The following RPS29 variants were observed in gnomAD, a reference collection of about 807,000 sequenced individuals.
RPS29 encodes ribosomal protein S29.
For missense variants in RPS29, 60 were observed against 75.7 expected (o/e 0.79, Z 0.77); for synonymous variants, 37 against 26.9 (o/e 1.37, Z -1.16).
At chr14:49,593,316 C>T (rs950871405) in intron 1 of RPS29, among the ~76,000 whole-genome samples, 2 of 152,148 alleles carry the variant, frequency 1.3e-5, no homozygotes, top group Non-Finnish European at 2.9e-5. Flanking sequence ...TATCATCTAG[C>T]GGTGAAGATA....
chr14:49,596,581 T>TA (rs1881826054), intron 1 of RPS29, among the ~76,000 whole-genome samples: 1 of 152,166 alleles, frequency 6.6e-6, no homozygotes, highest in Admixed American at 6.5e-5. Flanking sequence ...GATAGATGTT[T>TA]AAAAAAGAGG....
At chr14:49,593,968 C>T (rs1248718072) in intron 1 of RPS29, among the ~76,000 whole-genome samples, 1 of 152,120 alleles carries the variant, frequency 6.6e-6, no homozygotes, top group Non-Finnish European at 1.5e-5. Flanking sequence ...GAGTTCTAGT[C>T]CTGTTTATTC....
intron 1 of RPS29, among the ~76,000 whole-genome samples, chr14:49,595,513 A>C (rs1045277056): frequency 1.3e-5 from 2 of 152,076 alleles, no homozygotes; most frequent in African/African-American, 4.8e-5. Flanking sequence ...AGGCTGGGGT[A>C]GGAGGATGGC....
rs1431808134 is a variant in RPS29, at chr14:49,578,571, T to TTTTTTTG, written c.163-719_163-718insCAAAAAA. Among the ~76,000 whole-genome samples the TTTTTTTG allele has an allele frequency of 2.0e-4, 29 of 144,650 alleles. 1 individual carries two copies. Among genetic ancestry groups the TTTTTTTG allele is most frequent in the African/African-American group, 7.4e-4 (29 of 39,066 alleles). The allele number at this position is 144,650 out of a possible 152,430, so 94.9% of individuals were successfully genotyped here. A position where few individuals can be genotyped will look rare whatever the true frequency, so the allele number is the denominator to read the frequency against. On this transcript the variant is annotated intron_variant, in intron 2 of 2. Transcript: ENST00000396020. Reference sequence around the variant, plus strand: ...ACCAAAGCTTTCACTTTTTTTTTTTTTTTTTTTGAGACAGGGTCTCACTCT... The same window carrying TTTTTTTG: ...ACCAAAGCTTTCACTTTTTTTTTTTTTTTTTTGTTTTTTTGAGACAGGGTCTCACTCT...
exon 3 of RPS29, chr14:49,577,501 G>A (rs568371439): frequency 5.8e-6 from 3 of 518,538 alleles, no homozygotes; most frequent in Admixed American, 5.4e-5. Context: ...AACATCATGA[G>A]TGATCTCAAC....
At chr14:49,598,107 G>A (rs1421113132) in intron 1 of RPS29, 4 of 357,852 alleles carry the variant, frequency 1.1e-5, no homozygotes, top group African/African-American at 2.1e-5. Context: ...ATTTCTGAAC[G>A]TCATTTTACC....
exon 3 of RPS29, chr14:49,577,625 C>A (rs556002871): frequency 4.2e-6 from 3 of 707,674 alleles, no homozygotes; most frequent in South Asian, 1.6e-5. Context: ...CTCCCATAAC[C>A]AATGTTGGGC....
downstream of RPS29, among the ~76,000 whole-genome samples, chr14:49,581,604 T>C (rs1205174233): frequency 1.3e-5 from 2 of 152,244 alleles, no homozygotes; most frequent in East Asian, 3.9e-4. Flanking sequence ...AATTTTCTCT[T>C]TTAAATTTTT....
chr14:49,577,645 G>T, exon 3 of RPS29: 1 of 720,690 alleles, frequency 1.4e-6, no homozygotes, highest in East Asian at 2.5e-5. Context: ...CATAGATCTG[G>T]CCCTCAAACC....
At chr14:49,586,568 C>T (rs545040208), upstream of RPS29, 11 of 562,668 alleles carry the variant, frequency 2.0e-5, no homozygotes, top group Admixed American at 1.5e-4. Context: ...TATTCTGCGC[C>T]GGTATCCGAC....
chr14:49,594,802 C>A (rs1157576880), intron 1 of RPS29, among the ~76,000 whole-genome samples: 4 of 152,206 alleles, frequency 2.6e-5, no homozygotes, highest in African/African-American at 9.7e-5. Context: ...TTCTTTAGGA[C>A]TGCAGTAATT....
At chr14:49,593,692 CAAA>C (rs10647593) in intron 1 of RPS29, among the ~76,000 whole-genome samples, 14 of 56,302 alleles carry the variant, frequency 2.5e-4, no homozygotes, top group African/African-American at 5.2e-4. Flanking sequence ...GACTCTGTCT[CAAA>C]AAAAAAAAAA....
chr14:49,581,288 TC>T, downstream of RPS29, among the ~76,000 whole-genome samples: 1 of 152,306 alleles, frequency 6.6e-6, no homozygotes, highest in South Asian at 2.1e-4. Context: ...CTTCCCCTCC[TC>T]TCAGATAAAA....
At chr14:49,574,441 C>T (rs193007814) in exon 3 of RPS29, 2 of 152,220 alleles carry the variant, frequency 1.3e-5, no homozygotes, top group Admixed American at 1.3e-4. Flanking sequence ...AGTCAGCTCC[C>T]GAATATGGAC....
chr14:49,586,992 G>A (rs1881601236), upstream of RPS29: 1 of 152,538 alleles, frequency 6.6e-6, no homozygotes, highest in African/African-American at 2.4e-5. Context: ...CTTGGGAAAG[G>A]AGTTTTTCCT....
At chr14:49,573,062 T>A (rs916471669) in exon 3 of RPS29, 2 of 136,102 alleles carry the variant, frequency 1.5e-5, no homozygotes. Context: ...AGTGAGACCC[T>A]GTCTCCAAAG....
At chr14:49,580,245 A>C (rs1393988938), downstream of RPS29, among the ~76,000 whole-genome samples, 2 of 152,140 alleles carry the variant, frequency 1.3e-5, no homozygotes, top group African/African-American at 4.8e-5. Flanking sequence ...AGCTTCTCTC[A>C]TCATCTCCCA....
At chr14:49,588,686 C>T (rs1881645647), upstream of RPS29, among the ~76,000 whole-genome samples, 1 of 151,658 alleles carries the variant, frequency 6.6e-6, no homozygotes, top group Non-Finnish European at 1.5e-5. Context: ...TGCCACCACA[C>T]CCGTCTAATT....
downstream of RPS29, among the ~76,000 whole-genome samples, chr14:49,582,011 CCAAA>C (rs1566478866): frequency 3.8e-5 from 2 of 52,132 alleles, no homozygotes; most frequent in African/African-American, 7.8e-5. Context: ...ACCCTGCCCC[CCAAA>C]AAAAAAAAAA....
Sources: gnomAD v4.1 joint callset for allele counts (sites outside exome capture counted in the v4.1 genomes callset) on GRCh38, gnomAD v4.1.1 for gene constraint, MANE v1.5 for transcripts, NCBI Gene and HGNC (gene_info 2026-07-23, HGNC 2026-07-21) for gene names.